Variants in ZFHX3 observed in about 807,000 individuals in gnomAD.
The protein encoded by ZFHX3 is zinc finger homeobox 3, also known as zinc finger homeobox protein 3.
Under a neutral mutation model 279.1 loss-of-function variants are expected in ZFHX3, and 42 were observed. That is an observed-to-expected ratio of 0.15 (90% CI 0.12 to 0.19). The LOEUF is 0.19. ZFHX3 is among the 10% of genes least tolerant of loss of function. ZFHX3 has a pLI of 1.00. For missense variants in ZFHX3, 4,981 were observed against 4,754.0 expected, an observed-to-expected ratio of 1.05 and a Z score of -1.40; for synonymous variants, 2,293 against 1,957.8, an observed-to-expected ratio of 1.17 and a Z score of -4.52.
rs1250716550 is a variant in ZFHX3 at position 73,500,659 on chromosome 16, G to C, written c.-1546-44401C>G. 6.1e-4 allele frequency among the ~76,000 whole-genome samples: 20 copies of C among 32,820 alleles called. No individual in the cohort carries two copies. The Admixed American group carries it at 6.9e-3, about 11-fold the overall frequency. 21.5% of individuals were successfully genotyped at this position (32,820 alleles called of 152,430 possible). ...TAGTTTTTATTTTAAAAAGTTTAAA[G>C]AGTTAAAAAAAAAAAAAAGAGTTTT... On this transcript the variant is annotated intron_variant, in intron 2 of 17. Coordinates refer to the ZFHX3 transcript ENST00000641206.
intron 2 of ZFHX3, among the ~76,000 whole-genome samples, chr16:73,631,533 G>A: frequency 6.6e-6 from 1 of 152,236 alleles, no homozygotes; most frequent in East Asian, 1.9e-4. Flanking sequence ...ACAACAAGAA[G>A]TCATCATCTC....
intron 7 of ZFHX3, 148 bp downstream of exon 7, chr16:72,811,429 C>T: frequency 2.2e-6 from 2 of 905,154 alleles, no homozygotes; most frequent in East Asian, 2.7e-5. Context: ...AGGGATAGTA[C>T]AACAAAGGTC....
At chr16:73,143,013 T>G (rs1966851549) in intron 6 of ZFHX3, among the ~76,000 whole-genome samples, 1 of 152,140 alleles carries the variant, frequency 6.6e-6, no homozygotes, top group African/African-American at 2.4e-5. Context: ...AGGTGGTGCT[T>G]AAGTAGAACC....
intron 4 of ZFHX3, among the ~76,000 whole-genome samples, chr16:73,286,164 GTCTC>G (rs753025903): frequency 6.6e-6 from 1 of 151,302 alleles, no homozygotes; most frequent in Non-Finnish European, 1.5e-5. Flanking sequence ...CTCTCTCTCT[GTCTC>G]TCTCTCTCAC....
intron 2 of ZFHX3, among the ~76,000 whole-genome samples, chr16:73,525,700 G>A (rs1036537174): frequency 6.6e-6 from 1 of 152,184 alleles, no homozygotes; most frequent in Non-Finnish European, 1.5e-5. Flanking sequence ...CTCAGGACCA[G>A]CAGCCAATAT....
intron 1 of ZFHX3, among the ~76,000 whole-genome samples, chr16:73,789,651 T>C (rs1959763418): frequency 6.6e-6 from 1 of 152,114 alleles, no homozygotes. Context: ...GTGGGGTGCT[T>C]TTAGATCACA....
At position 73,223,896 on chromosome 16, in the gene ZFHX3, G is replaced by T. The variant is rs181668241; in HGVS notation, c.-1104+33151C>A. Among the ~76,000 whole-genome samples the T allele has an allele frequency of 9.9e-5, 15 of 152,222 alleles. No homozygotes were observed. In the East Asian group the frequency reaches 1.5e-3, roughly 16 times the overall value. ...AAAGGAACACACTATCAACATAAAT[G>T]TATATTACTAAGTGAAAAAAGCCAG... On this transcript the variant is annotated intron_variant, in intron 5 of 17. Coordinates refer to the ZFHX3 transcript ENST00000641206.
At chr16:73,223,830 A>T (rs2012502776) in intron 5 of ZFHX3, among the ~76,000 whole-genome samples, 1 of 152,222 alleles carries the variant, frequency 6.6e-6, no homozygotes, top group East Asian at 1.9e-4. Context: ...GAATGAATAA[A>T]CCATGGTACA....
At chr16:73,878,971 G>T (rs1351279078) in intron 1 of ZFHX3, among the ~76,000 whole-genome samples, 1 of 145,548 alleles carries the variant, frequency 6.9e-6, no homozygotes, top group Non-Finnish European at 1.5e-5. Context: ...ATATAGTTGT[G>T]GAAACATCAG....
chr16:73,883,399 ATGTGTG>A (rs34914604), intron 1 of ZFHX3, among the ~76,000 whole-genome samples: 3,974 of 148,962 alleles, frequency 0.027, 128 homozygotes, highest in African/African-American at 0.083. Flanking sequence ...AGCCATATAT[ATGTGTG>A]TGTGTGTGTG....
At chr16:73,342,369 A>G (rs2016048644) in intron 3 of ZFHX3, among the ~76,000 whole-genome samples, 1 of 152,252 alleles carries the variant, frequency 6.6e-6, no homozygotes, top group South Asian at 2.1e-4. Flanking sequence ...ATACATATTC[A>G]CATGGCTACA....
intron 4 of ZFHX3, among the ~76,000 whole-genome samples, chr16:72,868,541 G>C (rs927575686): frequency 2.0e-5 from 3 of 152,196 alleles, no homozygotes; most frequent in African/African-American, 7.2e-5. Context: ...GACTTTGCCA[G>C]GTCCCCCAGA....
At chr16:73,765,474 A>AAT (rs1698695825) in intron 1 of ZFHX3, among the ~76,000 whole-genome samples, 1 of 152,240 alleles carries the variant, frequency 6.6e-6, no homozygotes, top group Admixed American at 6.5e-5. Context: ...CACAAGATAG[A>AAT]ATAGAAAGAA....
chr16:73,610,982 T>C (rs1338068725), intron 2 of ZFHX3, among the ~76,000 whole-genome samples: 2 of 152,190 alleles, frequency 1.3e-5, no homozygotes, highest in Non-Finnish European at 2.9e-5. Context: ...ATGGAGGCTT[T>C]GTCAGCCGCT....
chr16:73,140,425 C>T (rs1045781021), intron 6 of ZFHX3, among the ~76,000 whole-genome samples: 1 of 152,046 alleles, frequency 6.6e-6, no homozygotes, highest in Non-Finnish European at 1.5e-5. Context: ...TATCATTGGA[C>T]CTGATTCATC....
intron 1 of ZFHX3, among the ~76,000 whole-genome samples, chr16:73,027,612 G>C (rs1177069570): frequency 6.6e-6 from 1 of 152,160 alleles, no homozygotes; most frequent in Non-Finnish European, 1.5e-5. Context: ...CATGTGAAGA[G>C]TCCTCCTTAA....
intron 1 of ZFHX3, among the ~76,000 whole-genome samples, chr16:73,009,023 G>A (rs558763102): frequency 1.3e-5 from 2 of 152,196 alleles, no homozygotes; most frequent in Admixed American, 1.3e-4. Context: ...ATGAAGCTGA[G>A]GCAGTACAGT....
chr16:73,599,275 C>T (rs2052086145), intron 2 of ZFHX3, among the ~76,000 whole-genome samples: 1 of 152,198 alleles, frequency 6.6e-6, no homozygotes, highest in African/African-American at 2.4e-5. Context: ...AGCCACTCAA[C>T]CGGCCTTTTG....
intron 2 of ZFHX3, among the ~76,000 whole-genome samples, chr16:73,584,156 T>G (rs1187229034): frequency 6.6e-6 from 1 of 151,972 alleles, no homozygotes; most frequent in Non-Finnish European, 1.5e-5. Flanking sequence ...GAAAAAGTGG[T>G]TAAGTAAGAT....
Sources: allele counts gnomAD v4.1 joint callset (sites outside exome capture counted in the v4.1 genomes callset), GRCh38; gene constraint gnomAD v4.1.1; transcripts MANE v1.5; gene names NCBI Gene and HGNC (gene_info 2026-07-23, HGNC 2026-07-21).